ANO2: variants seen among roughly 807,000 people sequenced by gnomAD.
The protein encoded by ANO2 is anoctamin-2.
A neutral mutation model predicts 124.2 loss-of-function variants in ANO2; 101 were observed. That is an observed-to-expected ratio of 0.81 (90% CI 0.69 to 0.96). The LOEUF is 0.96. Ranked by LOEUF, ANO2 falls within the 40% of genes least tolerant of loss-of-function variation. The pLI is 0.00. For missense variants in ANO2, 1,293 were observed against 1,274.5 expected, an observed-to-expected ratio of 1.01 and a Z score of -0.22; for synonymous variants, 486 against 482.5, an observed-to-expected ratio of 1.01 and a Z score of -0.09.
intron 3 of ANO2, among the ~76,000 whole-genome samples, chr12:5,887,666 A>T (rs1939029514): frequency 6.6e-6 from 1 of 152,170 alleles, no homozygotes; most frequent in Admixed American, 6.5e-5. Flanking sequence ...ATAAAGAAGG[A>T]AGGAGAGAGA....
intron 14 of ANO2, among the ~76,000 whole-genome samples, chr12:5,678,082 C>G (rs1236493162): frequency 1.3e-5 from 2 of 152,192 alleles, no homozygotes; most frequent in Admixed American, 1.3e-4. Context: ...CCCCTCAGGT[C>G]TGATGTGGAC....
intron 16 of ANO2, among the ~76,000 whole-genome samples, chr12:5,618,360 A>G (rs1233932890): frequency 1.3e-5 from 2 of 152,172 alleles, no homozygotes; most frequent in South Asian, 4.1e-4. Flanking sequence ...GTGCTGCACA[A>G]AAGCGTCTGC....
intron 6 of ANO2, 106 bp downstream of exon 6, chr12:5,830,328 GC>G: frequency 8.4e-7 from 1 of 1,189,260 alleles, no homozygotes; most frequent in Non-Finnish European, 1.2e-6. Context: ...GCAACTCCAA[GC>G]AAATAACGGT....
chr12:5,646,457 C>G (rs550991479), intron 15 of ANO2, among the ~76,000 whole-genome samples: 1 of 152,008 alleles, frequency 6.6e-6, no homozygotes, highest in Non-Finnish European at 1.5e-5. Flanking sequence ...TATTTATTTA[C>G]TCATTTATTG....
intron 3 of ANO2, among the ~76,000 whole-genome samples, chr12:5,855,745 G>A (rs1459939790): frequency 6.6e-6 from 1 of 152,200 alleles, no homozygotes; most frequent in Non-Finnish European, 1.5e-5. Flanking sequence ...GGAAAGCAAG[G>A]CAGGGAAAAT....
chr12:5,664,437 C>T (rs1161620377), intron 14 of ANO2, among the ~76,000 whole-genome samples: 3 of 152,180 alleles, frequency 2.0e-5, no homozygotes, highest in African/African-American at 2.4e-5. Context: ...TTCTTATATG[C>T]TTACTATGTT....
chr12:5,809,652 G>A lies in ANO2; in HGVS notation c.893-2284C>T, dbSNP rs73255117. On this transcript the variant is annotated intron_variant, in intron 7 of 24. Transcript: ENST00000682330. ...ATCCTCAGAAATGCCTCAAATTATT[G>A]GGACATTAAAGCCATGCGCCCTATC... Among the ~76,000 whole-genome samples, 378 of 152,270 alleles carry A rather than the reference G, an allele frequency of 2.5e-3. 1 individual carries two copies. Among genetic ancestry groups the A allele is most frequent in the African/African-American group, 8.6e-3 (358 of 41,548 alleles).
intron 4 of ANO2, among the ~76,000 whole-genome samples, chr12:5,833,356 C>T (rs756186237): frequency 1.5e-4 from 23 of 152,098 alleles, no homozygotes; most frequent in Non-Finnish European, 2.1e-4. Context: ...CATTGAGACA[C>T]AGAAGTTGTA....
intron 14 of ANO2, among the ~76,000 whole-genome samples, chr12:5,687,395 C>T (rs919651392): frequency 2.0e-5 from 3 of 152,234 alleles, no homozygotes; most frequent in Non-Finnish European, 2.9e-5. Flanking sequence ...GAGTGCAACT[C>T]CACACTGAGA....
chr12:5,880,590 T>G (rs78116439), intron 3 of ANO2, among the ~76,000 whole-genome samples: 5 of 151,668 alleles, frequency 3.3e-5, no homozygotes, highest in African/African-American at 9.7e-5. Flanking sequence ...GGAGGGAAAA[T>G]GTCAAGCAGG....
At chr12:5,622,825 G>C (rs148692938) in intron 16 of ANO2, among the ~76,000 whole-genome samples, 2 of 152,030 alleles carry the variant, frequency 1.3e-5, no homozygotes, top group African/African-American at 4.8e-5. Context: ...TTAGCTGGGC[G>C]TGGTGGTATG....
rs73255105 is a variant in ANO2, at chr12:5,799,317, G to A, written c.1055+190C>T. Among the ~76,000 whole-genome samples the A allele has an allele frequency of 6.2e-3, 943 of 152,272 alleles. 10 individuals are homozygous for A. Among genetic ancestry groups the A allele is most frequent in the African/African-American group, 0.018 (754 of 41,560 alleles). ...CAATCTACAGTATCTTTTGCCCCACGCAGCCTCCATGTCCCTCCCATGTCC... is the reference window on the plus strand; with the variant it reads ...CAATCTACAGTATCTTTTGCCCCACACAGCCTCCATGTCCCTCCCATGTCC... On this transcript the variant is annotated intron_variant, in intron 10 of 24. Transcript: ENST00000682330.
chr12:5,888,441 C>G (rs928839309), intron 3 of ANO2, among the ~76,000 whole-genome samples: 1 of 152,178 alleles, frequency 6.6e-6, no homozygotes, highest in Non-Finnish European at 1.5e-5. Flanking sequence ...TGCTTTTATT[C>G]TCTTATCTGG....
chr12:5,775,097 A>G (rs1461223075), intron 10 of ANO2, among the ~76,000 whole-genome samples: 4 of 152,210 alleles, frequency 2.6e-5, no homozygotes, highest in Non-Finnish European at 5.9e-5. Flanking sequence ...AAGGTCACAC[A>G]TGCAGTTAGC....
intron 3 of ANO2, among the ~76,000 whole-genome samples, chr12:5,867,166 T>C (rs1215999150): frequency 6.6e-6 from 1 of 152,204 alleles, no homozygotes; most frequent in Non-Finnish European, 1.5e-5. Context: ...GTGTAGACTT[T>C]GAACATGTAC....
chr12:5,562,813 A>G lies in ANO2; in HGVS notation c.*486T>C, dbSNP rs905282588. On this transcript the variant is annotated 3_prime_UTR_variant, in exon 25 of 25. Transcript: ENST00000682330. ...TACTATCAGGTCCAGCGGCTGCACC[A>G]TTCAGCCTTGTAACTTAATTTGCAT... 2.5e-5 allele frequency: 4 copies of G among 162,622 alleles called. No homozygotes were observed. The highest frequency in any genetic ancestry group is 9.6e-5 in the African/African-American group (4 of 41,694). 10.1% of individuals were successfully genotyped at this position (162,622 alleles called of 1,614,324 possible).
intron 7 of ANO2, among the ~76,000 whole-genome samples, chr12:5,820,889 G>A (rs543311385): frequency 6.6e-6 from 1 of 152,308 alleles, no homozygotes; most frequent in African/African-American, 2.4e-5. Context: ...CTGGTACCTG[G>A]TATGCAGCCA....
chr12:5,711,499 G>A (rs894654759), intron 14 of ANO2, among the ~76,000 whole-genome samples: 13 of 152,048 alleles, frequency 8.5e-5, no homozygotes, highest in Admixed American at 4.6e-4. Flanking sequence ...TAAATTACCC[G>A]GTCTCAGATA....
intron 19 of ANO2, among the ~76,000 whole-genome samples, chr12:5,608,028 G>A (rs1382945089): frequency 1.3e-5 from 2 of 152,026 alleles, no homozygotes; most frequent in Non-Finnish European, 2.9e-5. Context: ...CCTGTCCCCT[G>A]TGCCAAAAAG....
Sources: gnomAD v4.1 joint callset for allele counts (sites outside exome capture counted in the v4.1 genomes callset) on GRCh38, gnomAD v4.1.1 for gene constraint, MANE v1.5 for transcripts, NCBI Gene and HGNC (gene_info 2026-07-23, HGNC 2026-07-21) for gene names.